ACOXL: variants seen among roughly 807,000 people sequenced by gnomAD.
ACOXL encodes acyl-coenzyme A oxidase-like protein.
ACOXL carries 70 observed loss-of-function variants against 71.9 expected under a neutral mutation model. That is an observed-to-expected ratio of 0.97 (90% confidence interval 0.80 to 1.19). The LOEUF is 1.19. Among genes scored for constraint, ACOXL ranks in the 50% most tolerant of loss-of-function variants. The pLI is 0.00. For synonymous variants in ACOXL, 253 were observed against 281.6 expected (o/e 0.90, Z 1.02); for missense variants, 703 against 736.3 (o/e 0.95, Z 0.52).
chr2:110,790,356 T>G (rs1458473119), intron 3 of ACOXL, among the ~76,000 whole-genome samples: 1 of 152,176 alleles, frequency 6.6e-6, no homozygotes, highest in Admixed American at 6.5e-5. Flanking sequence ...AGCCCCATCC[T>G]TTGGTCCCTG....
At chr2:110,857,194 A>C (rs949437452) in intron 10 of ACOXL, among the ~76,000 whole-genome samples, 1 of 152,050 alleles carries the variant, frequency 6.6e-6, no homozygotes, top group Non-Finnish European at 1.5e-5. Flanking sequence ...TGACCGACTC[A>C]CTCATGGTCA....
intron 1 of ACOXL, among the ~76,000 whole-genome samples, chr2:110,745,709 C>G (rs1276561818): frequency 1.3e-5 from 2 of 152,158 alleles, no homozygotes; most frequent in African/African-American, 4.8e-5. Context: ...CCGACTGATT[C>G]CAAATGAAAA....
At chr2:111,005,797 A>G (rs752905464) in intron 14 of ACOXL, among the ~76,000 whole-genome samples, 26 of 152,160 alleles carry the variant, frequency 1.7e-4, no homozygotes, top group Non-Finnish European at 2.9e-4. Flanking sequence ...ATCTTGATCC[A>G]ATAGCTTTGG....
rs1315085098 is a variant in ACOXL, at chr2:110,915,428, A to ATATT, written c.905+6524_905+6525insATTT. 1.2e-4 allele frequency among the ~76,000 whole-genome samples: 13 copies of ATATT among 108,000 alleles called. 1 individual carries two copies. Among genetic ancestry groups the ATATT allele is most frequent in the South Asian group, 8.4e-4 (3 of 3,552 alleles). 70.9% of individuals were successfully genotyped at this position (108,000 alleles called of 152,430 possible). On this transcript the variant is annotated intron_variant, in intron 11 of 17. Coordinates refer to ENST00000439055, the MANE Select transcript of ACOXL (RefSeq NM_001142807.4). ...TATACATATATATATATATATATAT[A>ATATT]TTTTTTTTTTTTTGAGATGGAGTCT...
chr2:111,071,783 C>G (rs1003310543), intron 16 of ACOXL, among the ~76,000 whole-genome samples: 1 of 152,198 alleles, frequency 6.6e-6, no homozygotes, highest in South Asian at 2.1e-4. Context: ...AAACTCCCTT[C>G]GTTCTGTTGT....
At chr2:110,865,221 A>G (rs1459508925) in intron 10 of ACOXL, among the ~76,000 whole-genome samples, 1 of 152,172 alleles carries the variant, frequency 6.6e-6, no homozygotes. Context: ...TCACTTGCAA[A>G]TGTTGAAGGA....
At chr2:110,873,117 G>T (rs1484579354) in intron 10 of ACOXL, among the ~76,000 whole-genome samples, 1 of 152,200 alleles carries the variant, frequency 6.6e-6, no homozygotes, top group Non-Finnish European at 1.5e-5. Flanking sequence ...AGGCGGCCCT[G>T]TCCCTGAAGA....
intron 10 of ACOXL, among the ~76,000 whole-genome samples, chr2:110,862,783 T>C (rs1296478419): frequency 6.6e-6 from 1 of 152,100 alleles, no homozygotes; most frequent in Non-Finnish European, 1.5e-5. Context: ...CCCCAAAGGC[T>C]CCCAGAAAAG....
intron 2 of ACOXL, among the ~76,000 whole-genome samples, chr2:110,773,390 C>T (rs1476205486): frequency 1.3e-5 from 2 of 152,182 alleles, no homozygotes; most frequent in Non-Finnish European, 2.9e-5. Flanking sequence ...GAAGCGTTTA[C>T]ATTTAAGCCC....
At chr2:110,774,369 T>C (rs1191580779) in intron 2 of ACOXL, among the ~76,000 whole-genome samples, 3 of 152,092 alleles carry the variant, frequency 2.0e-5, no homozygotes, top group Non-Finnish European at 2.9e-5. Flanking sequence ...GTGTGGTAAA[T>C]TGGAAAAGAA....
At chr2:110,840,646 T>G (rs746889618) in intron 9 of ACOXL, among the ~76,000 whole-genome samples, 1 of 152,194 alleles carries the variant, frequency 6.6e-6, no homozygotes, top group Non-Finnish European at 1.5e-5. Flanking sequence ...TCATATGATT[T>G]GACCCCCACT....
chr2:111,069,747 A>T (rs762899136), intron 16 of ACOXL, among the ~76,000 whole-genome samples: 3 of 152,184 alleles, frequency 2.0e-5, no homozygotes, highest in Non-Finnish European at 4.4e-5. Context: ...GAGCCTGGCC[A>T]TATGCTCCTC....
In ACOXL at chr2:110,830,332, T is replaced by C. The variant is rs1002759603; in HGVS notation, c.754-11039T>C. On this transcript the variant is annotated intron_variant, in intron 9 of 17. Transcript: ENST00000439055. ...CATCAGGTATTGACTCAACACATAT[T>C]GTACGCATCTACATTGTGTCTGCAG... Among the ~76,000 whole-genome samples the C allele has an allele frequency of 4.6e-5, 7 of 152,316 alleles. No individual in the cohort carries two copies. The East Asian group carries it at 1.3e-3, about 29-fold the overall frequency.
intron 12 of ACOXL, among the ~76,000 whole-genome samples, chr2:110,984,639 T>G (rs1478173034): frequency 1.3e-5 from 2 of 152,242 alleles, no homozygotes; most frequent in African/African-American, 4.8e-5. Context: ...GTTTAGCACC[T>G]GAACTTGATT....
intron 10 of ACOXL, among the ~76,000 whole-genome samples, chr2:110,898,684 C>A (rs1443251724): frequency 6.6e-6 from 1 of 152,152 alleles, no homozygotes; most frequent in Non-Finnish European, 1.5e-5. Context: ...AGGAGTAAGG[C>A]AACGATGTCT....
intron 12 of ACOXL, among the ~76,000 whole-genome samples, chr2:110,980,205 C>A (rs1358332005): frequency 3.3e-5 from 5 of 152,226 alleles, no homozygotes; most frequent in African/African-American, 1.2e-4. Flanking sequence ...AGGACTCTTA[C>A]AGTTACTCCT....
At chr2:110,968,348 C>G in intron 12 of ACOXL, 1 of 1,157,944 alleles carries the variant, frequency 8.6e-7, no homozygotes, top group Non-Finnish European at 1.3e-6. Flanking sequence ...GGAGGCTCAT[C>G]TGTCTCTCAT....
intron 9 of ACOXL, among the ~76,000 whole-genome samples, chr2:110,819,663 A>AT (rs1688374201): frequency 6.6e-6 from 1 of 152,186 alleles, no homozygotes; most frequent in Non-Finnish European, 1.5e-5. Flanking sequence ...AATCATCCCC[A>AT]TTTTTTGAAC....
intron 2 of ACOXL, among the ~76,000 whole-genome samples, chr2:110,778,346 A>G (rs953623736): frequency 2.0e-5 from 3 of 152,272 alleles, no homozygotes; most frequent in Non-Finnish European, 4.4e-5. Context: ...AAAAATGCAG[A>G]CAGGTAAAGA....
Sources: gnomAD v4.1 joint callset for allele counts (sites outside exome capture counted in the v4.1 genomes callset) on GRCh38, gnomAD v4.1.1 for gene constraint, MANE v1.5 for transcripts, NCBI Gene and HGNC (gene_info 2026-07-23, HGNC 2026-07-21) for gene names.